The following IGSF10 variants were observed in gnomAD, a reference collection of about 807,000 sequenced individuals.
IGSF10 encodes immunoglobulin superfamily member 10.
Under a neutral mutation model 128.2 loss-of-function variants are expected in IGSF10, and 126 were observed. That is an observed-to-expected ratio of 0.98 (90% confidence interval 0.85 to 1.14). The LOEUF (loss-of-function observed/expected upper bound fraction) is 1.14, where lower values mean the gene tolerates loss of function less well. Ranked by LOEUF, IGSF10 falls within the 50% of genes most tolerant of loss-of-function variation. The pLI, the probability that IGSF10 is intolerant of heterozygous loss-of-function variation, is 0.00. For synonymous variants in IGSF10, 1,185 were observed against 1,146.2 expected, an observed-to-expected ratio of 1.03 and a Z score of -0.68; for missense variants, 3,295 against 3,149.8, an observed-to-expected ratio of 1.05 and a Z score of -1.10.
the IGSF10 span, among the ~76,000 whole-genome samples, chr3:151,603,695 A>G: frequency 6.6e-6 from 1 of 152,232 alleles, no homozygotes; most frequent in Non-Finnish European, 1.5e-5. Flanking sequence ...CTGTAGACCA[A>G]GGAGAGCTGA....
the IGSF10 span, among the ~76,000 whole-genome samples, chr3:151,506,261 C>CT: frequency 3.3e-5 from 5 of 151,896 alleles, no homozygotes; most frequent in Admixed American, 6.6e-5. Flanking sequence ...CCTAGGCTTG[C>CT]TTTTTTTTCC....
the IGSF10 span, among the ~76,000 whole-genome samples, chr3:151,578,598 T>C: frequency 6.6e-6 from 1 of 152,148 alleles, no homozygotes; most frequent in African/African-American, 2.4e-5. Context: ...CAAAGAGAAC[T>C]CCTTTGCAAT....
chr3:151,461,196 G>A, upstream of IGSF10: 2 of 985,362 alleles, frequency 2.0e-6, no homozygotes, highest in African/African-American at 1.7e-5. Context: ...CTAATTCGCC[G>A]TGGCTTCACT....
At chr3:151,547,359 C>G in the IGSF10 span, among the ~76,000 whole-genome samples, 2 of 151,692 alleles carry the variant, frequency 1.3e-5, no homozygotes, top group Non-Finnish European at 2.9e-5. Context: ...TATGTTCTTC[C>G]TGAAGTTAGT....
chr3:151,560,702 G>GC, the IGSF10 span, among the ~76,000 whole-genome samples: 73,548 of 150,960 alleles, frequency 0.49, 18,031 homozygotes, highest in South Asian at 0.57. Context: ...CATTGCCATA[G>GC]CCCCCCCCTC....
chr3:151,493,165 G>A, the IGSF10 span, among the ~76,000 whole-genome samples: 1 of 152,100 alleles, frequency 6.6e-6, no homozygotes, highest in Non-Finnish European at 1.5e-5. Context: ...GGTGAGGGTA[G>A]GGGTCAAAGA....
the IGSF10 span, among the ~76,000 whole-genome samples, chr3:151,481,937 T>C: frequency 2.0e-5 from 3 of 152,154 alleles, no homozygotes; most frequent in Non-Finnish European, 4.4e-5. Flanking sequence ...TCGCTAACAT[T>C]GATCACAGCC....
chr3:151,530,924 A>G, the IGSF10 span, among the ~76,000 whole-genome samples: 2 of 148,024 alleles, frequency 1.4e-5, no homozygotes, highest in East Asian at 4.0e-4. Context: ...ACTGGTCTGC[A>G]TGCTGTATTC....
the IGSF10 span, among the ~76,000 whole-genome samples, chr3:151,588,456 A>T: frequency 6.6e-6 from 1 of 152,314 alleles, no homozygotes; most frequent in Non-Finnish European, 1.5e-5. Context: ...CCCTATAGCA[A>T]AACTTCTCTG....
At chr3:151,600,164 T>C in the IGSF10 span, among the ~76,000 whole-genome samples, 560 of 152,334 alleles carry the variant, frequency 3.7e-3, no homozygotes, top group Middle Eastern at 0.014. Context: ...TTCATTCATA[T>C]TGGCATTTTT....
At chr3:151,547,825 C>T in the IGSF10 span, among the ~76,000 whole-genome samples, 1 of 152,194 alleles carries the variant, frequency 6.6e-6, no homozygotes, top group South Asian at 2.1e-4. Context: ...AGTTAGCTTG[C>T]AAATGGAATT....
chr3:151,454,586 GTTTTT>G (rs143402800), intron 4 of IGSF10, among the ~76,000 whole-genome samples: 3 of 149,994 alleles, frequency 2.0e-5, no homozygotes, highest in African/African-American at 7.3e-5. Context: ...TTTTTATAAG[GTTTTT>G]TTTTTAAGTC....
At chr3:151,608,099 A>G in the IGSF10 span, among the ~76,000 whole-genome samples, 1 of 152,212 alleles carries the variant, frequency 6.6e-6, no homozygotes, top group Non-Finnish European at 1.5e-5. Context: ...TACCAGGGTA[A>G]TATAAGATAA....
At chr3:151,513,224 C>T in the IGSF10 span, among the ~76,000 whole-genome samples, 1 of 152,098 alleles carries the variant, frequency 6.6e-6, no homozygotes, top group South Asian at 2.1e-4. Flanking sequence ...CAATAAAACA[C>T]TGGCAAACTG....
chr3:151,497,510 G>A, the IGSF10 span, among the ~76,000 whole-genome samples: 1 of 152,054 alleles, frequency 6.6e-6, no homozygotes, highest in East Asian at 1.9e-4. Flanking sequence ...ATTTCTGAGG[G>A]CTCTGTTCTG....
At chr3:151,513,201 A>T in the IGSF10 span, among the ~76,000 whole-genome samples, 4 of 152,190 alleles carry the variant, frequency 2.6e-5, no homozygotes, top group Non-Finnish European at 5.9e-5. Flanking sequence ...ATGAACACTG[A>T]TGTAAAAATC....
chr3:151,482,491 G>A, the IGSF10 span, among the ~76,000 whole-genome samples: 3 of 152,014 alleles, frequency 2.0e-5, no homozygotes, highest in South Asian at 6.2e-4. Context: ...CTTGAAGACT[G>A]GTTTTTTAAC....
At chr3:151,433,040 C>A (rs1719707558), downstream of IGSF10, 2 of 466,616 alleles carry the variant, frequency 4.3e-6, no homozygotes, top group Non-Finnish European at 7.7e-6. Context: ...GTGAATCATG[C>A]AGGCAGGCCT....
the IGSF10 span, among the ~76,000 whole-genome samples, chr3:151,473,171 G>A: frequency 6.6e-6 from 1 of 152,132 alleles, no homozygotes; most frequent in Admixed American, 6.5e-5. Flanking sequence ...TTTCTGTACA[G>A]GAAAATCCAT....
Sources: allele counts gnomAD v4.1 joint callset (sites outside exome capture counted in the v4.1 genomes callset), GRCh38; gene constraint gnomAD v4.1.1; transcripts MANE v1.5; gene names NCBI Gene and HGNC (gene_info 2026-07-23, HGNC 2026-07-21).